The following SLC4A4 variants were observed in gnomAD, a reference collection of about 807,000 sequenced individuals.
SLC4A4 encodes solute carrier family 4 member 4.
SLC4A4 carries 27 observed loss-of-function variants against 111.5 expected under a neutral mutation model. The observed-to-expected ratio is 0.24, with a 90% CI of 0.18 to 0.33. SLC4A4 has a LOEUF of 0.33. Among genes scored for constraint, SLC4A4 ranks in the 10% least tolerant of loss-of-function variants. The pLI is 1.00. For synonymous variants in SLC4A4, 443 were observed against 463.4 expected, an observed-to-expected ratio of 0.96 and a Z score of 0.57; for missense variants, 909 against 1,315.5, an observed-to-expected ratio of 0.69 and a Z score of 4.78.
chr4:71,178,972 C>T (rs1036169519), intron 2 of SLC4A4, among the ~76,000 whole-genome samples: 3 of 152,036 alleles, frequency 2.0e-5, no homozygotes, highest in Non-Finnish European at 4.4e-5. Flanking sequence ...ACTGGCAAAC[C>T]GAATCCAGCA....
intron 6 of SLC4A4, among the ~76,000 whole-genome samples, chr4:71,379,363 A>G (rs1054566911): frequency 1.3e-5 from 2 of 152,208 alleles, no homozygotes; most frequent in East Asian, 1.9e-4. Flanking sequence ...TTAGATTTCT[A>G]TATACTTAGA....
chr4:71,415,655 GT>G, intron 7 of SLC4A4, among the ~76,000 whole-genome samples: 1 of 152,278 alleles, frequency 6.6e-6, no homozygotes, highest in Middle Eastern at 3.4e-3. Context: ...TGCTTTTAAT[GT>G]TGGAGAGCAC....
chr4:71,516,131 T>G (rs1732373239), intron 16 of SLC4A4, among the ~76,000 whole-genome samples: 1 of 119,590 alleles, frequency 8.4e-6, no homozygotes, highest in Non-Finnish European at 1.6e-5. Context: ...AGTCTCGCTC[T>G]GTCACCCAGG....
At chr4:71,335,805 A>G (rs1299954095) in intron 3 of SLC4A4, among the ~76,000 whole-genome samples, 1 of 151,818 alleles carries the variant, frequency 6.6e-6, no homozygotes, top group Non-Finnish European at 1.5e-5. Context: ...AGCCTGGGCA[A>G]TAGTGTGAGA....
intron 1 of SLC4A4, among the ~76,000 whole-genome samples, chr4:71,208,595 T>A (rs1367671098): frequency 1.0e-5 from 1 of 99,032 alleles, no homozygotes; most frequent in African/African-American, 4.0e-5. Flanking sequence ...TACATTAGAA[T>A]GTGTAGAAGC....
chr4:71,428,416 T>C (rs913000763), intron 7 of SLC4A4, among the ~76,000 whole-genome samples: 2 of 152,098 alleles, frequency 1.3e-5, no homozygotes. Context: ...AAAGAGGTAC[T>C]ATTAGTCATT....
At chr4:71,288,168 G>C (rs1288671773) in intron 3 of SLC4A4, among the ~76,000 whole-genome samples, 1 of 152,022 alleles carries the variant, frequency 6.6e-6, no homozygotes, top group Non-Finnish European at 1.5e-5. Flanking sequence ...GTCAGAAAGG[G>C]GTAGCATGCA....
chr4:71,339,556 G>T, intron 4 of SLC4A4, 51 bp downstream of exon 4: 1 of 1,583,388 alleles, frequency 6.3e-7, no homozygotes, highest in Non-Finnish European at 8.7e-7. Flanking sequence ...ACAAGGGCAG[G>T]GCAAGATGCT....
chr4:71,230,662 T>C (rs1719356718), intron 1 of SLC4A4, among the ~76,000 whole-genome samples: 1 of 152,214 alleles, frequency 6.6e-6, no homozygotes, highest in Non-Finnish European at 1.5e-5. Flanking sequence ...CCTGCTGCTC[T>C]CTAGGGTGCC....
intron 2 of SLC4A4, among the ~76,000 whole-genome samples, chr4:71,168,603 C>T (rs1744848613): frequency 6.6e-6 from 1 of 151,724 alleles, no homozygotes; most frequent in African/African-American, 2.4e-5. Flanking sequence ...CTTTCCCCCA[C>T]CACCCCCACT....
At chr4:71,386,787 T>G (rs542303048) in intron 6 of SLC4A4, among the ~76,000 whole-genome samples, 2 of 152,194 alleles carry the variant, frequency 1.3e-5, no homozygotes, top group Non-Finnish European at 2.9e-5. Context: ...TTGGAATTCT[T>G]TTGCCTGCTT....
chr4:71,408,270 T>A (rs1721054388), intron 7 of SLC4A4, among the ~76,000 whole-genome samples: 1 of 152,192 alleles, frequency 6.6e-6, no homozygotes. Context: ...TAGTAAACCT[T>A]AACTCTTCTG....
intron 3 of SLC4A4, among the ~76,000 whole-genome samples, chr4:71,318,785 G>C (rs928300240): frequency 6.7e-6 from 1 of 149,090 alleles, no homozygotes; most frequent in Admixed American, 6.7e-5. Context: ...AATGGAGTCT[G>C]TAAAAATATT....
At chr4:71,082,948 G>A (rs1742034648) in intron 1 of SLC4A4, among the ~76,000 whole-genome samples, 1 of 151,658 alleles carries the variant, frequency 6.6e-6, no homozygotes. Flanking sequence ...CCGCCTCCCA[G>A]GCTTAAGGAG....
At chr4:71,358,410 T>G (rs1451882527) in intron 6 of SLC4A4, among the ~76,000 whole-genome samples, 1 of 151,924 alleles carries the variant, frequency 6.6e-6, no homozygotes, top group East Asian at 1.9e-4. Flanking sequence ...AAACCGGTTG[T>G]CATGGAAAAA....
At position 71,560,176 on chromosome 4, in the gene SLC4A4, A is replaced by T. The variant is rs144619583; in HGVS notation, c.3021A>T (p.Pro1007=). 4.8e-5 allele frequency: 78 copies of T among 1,611,284 alleles called. No individual in the cohort carries two copies. The African/African-American group carries it at 9.2e-4, about 19-fold the overall frequency. Residue 1007 remains proline (P), a synonymous_variant, in exon 23 of 26, where the codon CCA becomes CCT. Transcript: ENST00000264485. ...HDLSFLDDVI[P]EKDKKKKEDE... ...TCAGCTTCCTGGATGATGTCATTCC[A>T]GAAAAGGACAAGAAAAAGAAGGAGG...
At chr4:71,462,244 C>CCGTGAAGTA (rs1161005772) in intron 12 of SLC4A4, among the ~76,000 whole-genome samples, 2 of 151,788 alleles carry the variant, frequency 1.3e-5, no homozygotes, top group East Asian at 3.9e-4. Context: ...AATAATTATC[C>CCGTGAAGTA]CGTGAAGTAG....
intron 3 of SLC4A4, among the ~76,000 whole-genome samples, chr4:71,302,425 T>C (rs1450057508): frequency 1.3e-5 from 2 of 152,222 alleles, no homozygotes; most frequent in African/African-American, 4.8e-5. Context: ...TCTATGCTCA[T>C]AATGATTCTT....
chr4:71,233,519 G>T (rs1425630176), intron 1 of SLC4A4, among the ~76,000 whole-genome samples: 1 of 151,964 alleles, frequency 6.6e-6, no homozygotes, highest in Non-Finnish European at 1.5e-5. Context: ...TCAGCACTTG[G>T]TCTTAGGTCC....
Sources: allele counts gnomAD v4.1 joint callset (sites outside exome capture counted in the v4.1 genomes callset), GRCh38; gene constraint gnomAD v4.1.1; transcripts MANE v1.5; gene names NCBI Gene and HGNC (gene_info 2026-07-23, HGNC 2026-07-21).